The following ASIC2 variants were observed in gnomAD, a reference collection of about 807,000 sequenced individuals.
ASIC2 encodes acid-sensing ion channel 2.
In ASIC2, 25 loss-of-function variants were observed where a neutral mutation model predicts 57.3. The ratio of observed to expected loss-of-function variants is 0.44; its 90% CI spans 0.32 to 0.61. The LOEUF (loss-of-function observed/expected upper bound fraction) is 0.61, where lower values mean the gene tolerates loss of function less well. Among genes scored for constraint, ASIC2 ranks in the 20% least tolerant of loss-of-function variants. ASIC2 has a pLI of 0.06. For missense variants in ASIC2, 641 were observed against 738.1 expected, an observed-to-expected ratio of 0.87 and a Z score of 1.52; for synonymous variants, 319 against 307.5, an observed-to-expected ratio of 1.04 and a Z score of -0.39.
Position 33,301,824 on chromosome 17 carries a change from C to G in ASIC2, c.556-189757G>C, listed in dbSNP as rs141907690. On this transcript the variant is annotated intron_variant, in intron 1 of 9. Transcript: ENST00000359872. ...TGCCATGCACTTTCTCTGTTTTCTCCTGAGTTTCTCCATTCATTCCCATGT... is the reference window on the plus strand; with the variant it reads ...TGCCATGCACTTTCTCTGTTTTCTCGTGAGTTTCTCCATTCATTCCCATGT... Among the ~76,000 whole-genome samples, 1,035 of 152,300 alleles carry G rather than the reference C, an allele frequency of 6.8e-3. 4 individuals are homozygous for G. Among genetic ancestry groups the G allele is most frequent in the Middle Eastern group, 0.017 (5 of 294 alleles).
intron 1 of ASIC2, among the ~76,000 whole-genome samples, chr17:33,400,936 T>G (rs1910263483): frequency 6.6e-6 from 1 of 152,210 alleles, no homozygotes; most frequent in Non-Finnish European, 1.5e-5. Flanking sequence ...AAAATCTCAG[T>G]GGATTCTCAG....
At chr17:33,124,187 T>A (rs1162715453) in intron 1 of ASIC2, among the ~76,000 whole-genome samples, 1 of 152,236 alleles carries the variant, frequency 6.6e-6, no homozygotes, top group African/African-American at 2.4e-5. Context: ...GCTCGGAGAA[T>A]GTCATTGTCT....
chr17:33,706,204 C>CATATAT (rs3030213), intron 1 of ASIC2, among the ~76,000 whole-genome samples: 661 of 140,768 alleles, frequency 4.7e-3, no homozygotes, highest in Non-Finnish European at 7.3e-3. Flanking sequence ...ATATATGATT[C>CATATAT]ATATATATAT....
intron 1 of ASIC2, among the ~76,000 whole-genome samples, chr17:33,185,257 C>T (rs1227449951): frequency 1.3e-5 from 2 of 152,086 alleles, no homozygotes; most frequent in Non-Finnish European, 1.5e-5. Context: ...CCTACTATTT[C>T]CTTTATGACA....
In ASIC2 at chr17:33,017,635, T is replaced by C; in HGVS notation, c.1491A>G (p.Thr497=). ...MGLFIGASIL[T]ILELFDYIYE... ...AAATATAATCAAAGAGCTCTAGTAT[T>C]GTAAGGATACTAGCACCAATGAACA... Residue 497 remains threonine (T), a synonymous_variant, in exon 8 of 10, where the codon ACA becomes ACG. Transcript: ENST00000225823. The C allele has an allele frequency of 6.2e-7, 1 of 1,613,734 alleles. No individual in the cohort carries two copies. The highest frequency in any genetic ancestry group is 2.2e-5 in the East Asian group (1 of 44,888).
intron 1 of ASIC2, among the ~76,000 whole-genome samples, chr17:33,488,180 G>C (rs1286485932): frequency 6.6e-6 from 1 of 152,310 alleles, no homozygotes; most frequent in South Asian, 2.1e-4. Context: ...GTGAGAGGCA[G>C]AGGCAGTATT....
At chr17:34,142,048 G>A (rs35244258) in intron 1 of ASIC2, among the ~76,000 whole-genome samples, 27 of 152,100 alleles carry the variant, frequency 1.8e-4, no homozygotes, top group Admixed American at 1.2e-3. Context: ...TAACAGGCCC[G>A]GGGGAATGAA....
intron 1 of ASIC2, among the ~76,000 whole-genome samples, chr17:33,920,178 A>T (rs1236495449): frequency 2.6e-5 from 4 of 152,222 alleles, no homozygotes; most frequent in African/African-American, 9.6e-5. Flanking sequence ...AAATGAAAAT[A>T]AACAGTTATT....
intron 1 of ASIC2, among the ~76,000 whole-genome samples, chr17:34,110,331 C>A (rs549970705): frequency 1.3e-5 from 2 of 152,176 alleles, no homozygotes; most frequent in East Asian, 3.9e-4. Flanking sequence ...GGAGCCAGGG[C>A]GCTGGCCTAA....
chr17:33,030,179 T>A (rs1358818735), intron 3 of ASIC2, among the ~76,000 whole-genome samples: 4 of 152,200 alleles, frequency 2.6e-5, no homozygotes, highest in Non-Finnish European at 5.9e-5. Flanking sequence ...TTCAATTTAA[T>A]AAATCTTTAG....
intron 1 of ASIC2, among the ~76,000 whole-genome samples, chr17:33,866,173 A>G (rs1215990597): frequency 6.6e-6 from 1 of 152,186 alleles, no homozygotes; most frequent in Non-Finnish European, 1.5e-5. Context: ...GGTTGTCTAC[A>G]GTTTTGAGCC....
intron 1 of ASIC2, among the ~76,000 whole-genome samples, chr17:34,122,779 A>G (rs928395332): frequency 3.9e-5 from 6 of 152,236 alleles, no homozygotes; most frequent in African/African-American, 1.4e-4. Context: ...AATTAAAAAC[A>G]CAAGCTGCTC....
At chr17:33,152,441 A>G (rs754569315) in intron 1 of ASIC2, among the ~76,000 whole-genome samples, 1 of 152,222 alleles carries the variant, frequency 6.6e-6, no homozygotes, top group Non-Finnish European at 1.5e-5. Context: ...GGCCGGTCTG[A>G]GTCTGGCCTC....
chr17:33,549,277 G>A (rs1757577791), intron 1 of ASIC2, among the ~76,000 whole-genome samples: 1 of 152,158 alleles, frequency 6.6e-6, no homozygotes, highest in East Asian at 1.9e-4. Flanking sequence ...AGACATAAAG[G>A]CTGCAGAAGA....
At chr17:33,605,012 A>ATT (rs1905194883) in intron 1 of ASIC2, among the ~76,000 whole-genome samples, 1 of 139,932 alleles carries the variant, frequency 7.1e-6, no homozygotes, top group Non-Finnish European at 1.6e-5. Flanking sequence ...ATATTACTTC[A>ATT]TTCTCTCTCT....
At chr17:33,310,527 G>A (rs79260661) in intron 1 of ASIC2, among the ~76,000 whole-genome samples, 3,583 of 152,264 alleles carry the variant, frequency 0.024, 59 homozygotes, top group Non-Finnish European at 0.037. Context: ...AAAGGTTAGG[G>A]ACTGTGGTGC....
chr17:34,038,397 A>G, intron 1 of ASIC2: 1 of 1,611,946 alleles, frequency 6.2e-7, no homozygotes, highest in Non-Finnish European at 8.5e-7. Context: ...TGAATCCGGT[A>G]TTCCCTACAT....
At chr17:33,336,420 C>T (rs1250966178) in intron 1 of ASIC2, among the ~76,000 whole-genome samples, 9 of 151,884 alleles carry the variant, frequency 5.9e-5, no homozygotes, top group Non-Finnish European at 1.3e-4. Flanking sequence ...TGTTTATTTT[C>T]GTTGCTGAAA....
chr17:33,954,685 C>A (rs1904679396), intron 1 of ASIC2, among the ~76,000 whole-genome samples: 1 of 152,218 alleles, frequency 6.6e-6, no homozygotes, highest in Non-Finnish European at 1.5e-5. Flanking sequence ...GACTTCACCC[C>A]CAGCTCTGCC....
Sources: gnomAD v4.1 joint callset for allele counts (sites outside exome capture counted in the v4.1 genomes callset) on GRCh38, gnomAD v4.1.1 for gene constraint, MANE v1.5 for transcripts, NCBI Gene and HGNC (gene_info 2026-07-23, HGNC 2026-07-21) for gene names.